The following TGFA variants were observed in gnomAD, a reference collection of about 807,000 sequenced individuals.
TGFA encodes protransforming growth factor alpha.
A neutral mutation model predicts 21.7 loss-of-function variants in TGFA; 12 were observed. That is an observed-to-expected ratio of 0.55 (90% CI 0.35 to 0.90). The LOEUF is 0.90. Ranked by LOEUF, TGFA falls within the 40% of genes least tolerant of loss-of-function variation. The pLI, the probability that TGFA is intolerant of heterozygous loss-of-function variation, is 0.01. For synonymous variants in TGFA, 79 were observed against 88.1 expected, an observed-to-expected ratio of 0.90 and a Z score of 0.58; for missense variants, 178 against 210.8, an observed-to-expected ratio of 0.84 and a Z score of 0.96.
At chr2:70,529,091 T>C (rs185076796) in intron 1 of TGFA, among the ~76,000 whole-genome samples, 2 of 152,350 alleles carry the variant, frequency 1.3e-5, no homozygotes, top group East Asian at 3.9e-4. Flanking sequence ...GGTATGTATG[T>C]CTGTTTGTTT....
At chr2:70,520,867 T>C (rs1672429072) in intron 1 of TGFA, among the ~76,000 whole-genome samples, 1 of 152,096 alleles carries the variant, frequency 6.6e-6, no homozygotes, top group Non-Finnish European at 1.5e-5. Context: ...TGAACTCATG[T>C]CTTCCACCTC....
intron 2 of TGFA, among the ~76,000 whole-genome samples, chr2:70,504,514 A>C (rs1671860034): frequency 6.8e-6 from 1 of 146,744 alleles, no homozygotes; most frequent in Non-Finnish European, 1.5e-5. Flanking sequence ...ACACACACAC[A>C]CACAGAAGAT....
At chr2:70,497,888 T>C (rs797031462) in intron 2 of TGFA, among the ~76,000 whole-genome samples, 18 of 152,232 alleles carry the variant, frequency 1.2e-4, no homozygotes, top group African/African-American at 4.3e-4. Context: ...GTTACAGTTA[T>C]TTACTTGAGG....
intron 1 of TGFA, among the ~76,000 whole-genome samples, chr2:70,528,910 C>G (rs1162615953): frequency 6.6e-6 from 1 of 152,196 alleles, no homozygotes; most frequent in Non-Finnish European, 1.5e-5. Flanking sequence ...AGCCTCCTCT[C>G]CCTGTTCCTT....
At chr2:70,478,032 C>T (rs72828646) in intron 2 of TGFA, among the ~76,000 whole-genome samples, 2,721 of 152,258 alleles carry the variant, frequency 0.018, 85 homozygotes, top group Admixed American at 0.092. Flanking sequence ...CCTGTGCTTA[C>T]AATCTGAAGT....
At chr2:70,539,396 GA>G (rs111958665) in intron 1 of TGFA, among the ~76,000 whole-genome samples, 1 of 151,238 alleles carries the variant, frequency 6.6e-6, no homozygotes, top group Non-Finnish European at 1.5e-5. Context: ...TCCAATGGAA[GA>G]AAAAAAAATC....
intron 1 of TGFA, among the ~76,000 whole-genome samples, chr2:70,515,156 C>A (rs1672233549): frequency 6.6e-6 from 1 of 152,160 alleles, no homozygotes; most frequent in African/African-American, 2.4e-5. Context: ...CCACTTCTTC[C>A]CAGTCTCTCT....
intron 4 of TGFA, among the ~76,000 whole-genome samples, chr2:70,454,539 A>C (rs1324694467): frequency 6.6e-6 from 1 of 152,066 alleles, no homozygotes; most frequent in African/African-American, 2.4e-5. Flanking sequence ...CTACTTTCTC[A>C]CAGTCAGCCA....
At chr2:70,550,807 C>A (rs1191972912) in intron 1 of TGFA, among the ~76,000 whole-genome samples, 4 of 152,066 alleles carry the variant, frequency 2.6e-5, no homozygotes, top group Admixed American at 2.6e-4. Flanking sequence ...GGAGACAGAG[C>A]GAGACTCCGT....
At chr2:70,456,888 A>G (rs1574067662) in intron 3 of TGFA, among the ~76,000 whole-genome samples, 1 of 152,344 alleles carries the variant, frequency 6.6e-6, no homozygotes, top group Non-Finnish European at 1.5e-5. Context: ...GTGATGAGAA[A>G]GAAAACACCT....
At chr2:70,522,658 C>T (rs1672507239) in intron 1 of TGFA, among the ~76,000 whole-genome samples, 1 of 152,110 alleles carries the variant, frequency 6.6e-6, no homozygotes. Flanking sequence ...TGGTCTTAAA[C>T]TCCCGACCTT....
At chr2:70,525,630 G>A (rs924533386) in intron 1 of TGFA, among the ~76,000 whole-genome samples, 3 of 152,194 alleles carry the variant, frequency 2.0e-5, no homozygotes, top group African/African-American at 7.2e-5. Context: ...GGAGGAGGGA[G>A]AAGAGGCTAG....
intron 1 of TGFA, 49 bp downstream of exon 1, chr2:70,553,679 G>A: frequency 7.5e-7 from 1 of 1,334,954 alleles, no homozygotes; most frequent in Non-Finnish European, 9.6e-7. Context: ...GGGACCGGGG[G>A]AAGCAGGGTG....
chr2:70,478,816 A>G (rs1553494922), intron 2 of TGFA, among the ~76,000 whole-genome samples: 1 of 152,178 alleles, frequency 6.6e-6, no homozygotes, highest in East Asian at 1.9e-4. Flanking sequence ...TGTCTTTTGT[A>G]TAAAAGATCA....
At chr2:70,466,624 C>T (rs1475006277) in intron 2 of TGFA, among the ~76,000 whole-genome samples, 1 of 152,158 alleles carries the variant, frequency 6.6e-6, no homozygotes, top group Non-Finnish European at 1.5e-5. Flanking sequence ...AGCAGGGCTT[C>T]TCTTGGTAGG....
At chr2:70,468,170 T>TC (rs1263753964) in intron 2 of TGFA, among the ~76,000 whole-genome samples, 1 of 152,116 alleles carries the variant, frequency 6.6e-6, no homozygotes, top group Non-Finnish European at 1.5e-5. Context: ...CAGTAAGTAA[T>TC]CCCCCCATAC....
At chr2:70,479,186 A>T (rs1270071412) in intron 2 of TGFA, among the ~76,000 whole-genome samples, 1 of 152,248 alleles carries the variant, frequency 6.6e-6, no homozygotes, top group Non-Finnish European at 1.5e-5. Flanking sequence ...TTATCTTGAT[A>T]TAGCTGTTAT....
rs200477881 is a variant in TGFA, at chr2:70,514,878, G to T, written c.75C>A (p.Asn25Lys). The change falls in exon 2 of 6, where the codon AAC becomes AAA. Residue 25 changes from asparagine to lysine, a missense_variant. Transcript: ENST00000295400. Reference sequence around the variant, plus strand: ...ACTCACCACTCAGCGGGGACGTGCTGTTCTCCAAGGCCTGGCACGCAGCCA... The same window carrying T: ...ACTCACCACTCAGCGGGGACGTGCTTTTCTCCAAGGCCTGGCACGCAGCCA... ...IVLAACQALE[N>K]STSPLSADPP... 6 of 1,614,078 alleles carry T rather than the reference G, an allele frequency of 3.7e-6. No individual in the cohort carries two copies. The highest frequency in any genetic ancestry group is 5.1e-6 in the Non-Finnish European group (6 of 1,180,016).
At chr2:70,532,951 C>T (rs1427100225) in intron 1 of TGFA, among the ~76,000 whole-genome samples, 8 of 151,882 alleles carry the variant, frequency 5.3e-5, no homozygotes, top group Non-Finnish European at 5.9e-5. Context: ...GCCTCGACCT[C>T]CCTGGGCTCA....
Sources: allele counts gnomAD v4.1 joint callset (sites outside exome capture counted in the v4.1 genomes callset), GRCh38; gene constraint gnomAD v4.1.1; transcripts MANE v1.5; gene names NCBI Gene and HGNC (gene_info 2026-07-23, HGNC 2026-07-21).